ZNF385D: variants seen among roughly 807,000 people sequenced by gnomAD.
ZNF385D encodes zinc finger protein 659.
Under a neutral mutation model 35.8 loss-of-function variants are expected in ZNF385D, and 15 were observed. The ratio of observed to expected loss-of-function variants is 0.42; its 90% CI spans 0.28 to 0.64. The LOEUF is 0.64. ZNF385D is among the 30% of genes least tolerant of loss of function. ZNF385D has a pLI of 0.23. For missense variants in ZNF385D, 474 were observed against 494.6 expected, an observed-to-expected ratio of 0.96 and a Z score of 0.39; for synonymous variants, 212 against 186.8, an observed-to-expected ratio of 1.13 and a Z score of -1.10.
rs57871186 is a variant in ZNF385D at position 22,190,747 on chromosome 3, A to T, written c.107-21712T>A. On this transcript the variant is annotated intron_variant, in intron 2 of 5. Transcript: ENST00000494108. ...CAATCCTTGAAACATATCCATACAC[A>T]GGAAATACTAAGTTCTGTAACAAAG... Among the ~76,000 whole-genome samples, 384 of 152,258 alleles carry T rather than the reference A, an allele frequency of 2.5e-3. 2 individuals carry two copies. The highest frequency in any genetic ancestry group is 8.9e-3 in the African/African-American group (372 of 41,572).
intron 3 of ZNF385D, among the ~76,000 whole-genome samples, chr3:21,522,460 C>T (rs1378307887): frequency 6.6e-6 from 1 of 152,176 alleles, no homozygotes; most frequent in African/African-American, 2.4e-5. Context: ...CTGCCTCAGC[C>T]TCCCGAGTAG....
chr3:21,970,595 G>T (rs948866836), intron 3 of ZNF385D, among the ~76,000 whole-genome samples: 1 of 150,876 alleles, frequency 6.6e-6, no homozygotes, highest in East Asian at 1.9e-4. Context: ...AGGAGTTATT[G>T]GCCTTAAAGA....
At chr3:22,114,686 G>T (rs1250288285) in intron 3 of ZNF385D, among the ~76,000 whole-genome samples, 2 of 152,060 alleles carry the variant, frequency 1.3e-5, no homozygotes, top group Admixed American at 1.3e-4. Context: ...GGGTGAAGAT[G>T]CTGGGGTATT....
At chr3:22,059,634 G>A (rs112699371) in intron 3 of ZNF385D, among the ~76,000 whole-genome samples, 1 of 152,158 alleles carries the variant, frequency 6.6e-6, no homozygotes, top group Non-Finnish European at 1.5e-5. Context: ...TTCTTGGAAT[G>A]CCTTTGAGTT....
intron 2 of ZNF385D, among the ~76,000 whole-genome samples, chr3:21,601,778 G>A (rs747584592): frequency 2.6e-5 from 4 of 152,006 alleles, no homozygotes; most frequent in African/African-American, 7.3e-5. Context: ...TAGCAGTCCC[G>A]CCCCCTGGAA....
intron 3 of ZNF385D, among the ~76,000 whole-genome samples, chr3:21,555,213 T>C (rs1247475795): frequency 6.9e-6 from 1 of 145,588 alleles, no homozygotes; most frequent in Non-Finnish European, 1.5e-5. Flanking sequence ...CAGGCAATTG[T>C]AGTTTTTTTT....
intron 2 of ZNF385D, among the ~76,000 whole-genome samples, chr3:22,228,449 A>G (rs2125293029): frequency 6.6e-6 from 1 of 152,306 alleles, no homozygotes. Flanking sequence ...GTGGAAGATC[A>G]GTCAGCACAA....
intron 2 of ZNF385D, among the ~76,000 whole-genome samples, chr3:21,599,824 T>C (rs2064230246): frequency 6.6e-6 from 1 of 152,206 alleles, no homozygotes; most frequent in Non-Finnish European, 1.5e-5. Flanking sequence ...TGTAGGCATG[T>C]GAACCAGAGC....
intron 3 of ZNF385D, among the ~76,000 whole-genome samples, chr3:21,841,913 T>G (rs1307168859): frequency 6.6e-6 from 1 of 151,642 alleles, no homozygotes; most frequent in Non-Finnish European, 1.5e-5. Context: ...TACATACATA[T>G]ATGTATATAT....
chr3:22,360,938 G>A (rs1212415365), intron 2 of ZNF385D, among the ~76,000 whole-genome samples: 2 of 151,804 alleles, frequency 1.3e-5, no homozygotes, highest in African/African-American at 4.8e-5. Flanking sequence ...TTGATTATGC[G>A]ACCTCTCTAG....
chr3:22,245,186 T>C lies in ZNF385D; in HGVS notation c.107-76151A>G, dbSNP rs78959460. Among the ~76,000 whole-genome samples the C allele has an allele frequency of 1.8e-3, 269 of 152,266 alleles. 1 individual carries two copies. The highest frequency in any genetic ancestry group is 3.1e-3 in the Admixed American group (48 of 15,272). Reference sequence around the variant, plus strand: ...TAGATTATTAATTCCAGCAACATTATTATTTTCTTTGCTTTCAGATTGCCC... The same window carrying C: ...TAGATTATTAATTCCAGCAACATTACTATTTTCTTTGCTTTCAGATTGCCC... On this transcript the variant is annotated intron_variant, in intron 2 of 5. Coordinates refer to the ZNF385D transcript ENST00000494108.
chr3:22,175,435 T>G lies in ZNF385D; in HGVS notation c.107-6400A>C, dbSNP rs1316858959. Among the ~76,000 whole-genome samples the G allele has an allele frequency of 2.0e-5, 3 of 151,510 alleles. No individual in the cohort carries two copies. The East Asian group carries it at 5.8e-4, about 29-fold the overall frequency. ...GGATTTTAAAAGCACTAAAATTAAT[T>G]TGAAATAACTTAGAAAAAATGAGAA... is the stretch of plus-strand genomic sequence containing the variant. On this transcript the variant is annotated intron_variant, in intron 2 of 5. Transcript: ENST00000494108.
At position 22,002,566 on chromosome 3, in the gene ZNF385D, T is replaced by C. The variant is rs192933974; in HGVS notation, c.325+166251A>G. 4.6e-3 allele frequency among the ~76,000 whole-genome samples: 693 copies of C among 152,262 alleles called. 17 individuals carry two copies. Among genetic ancestry groups the C allele is most frequent in the Admixed American group, 5.4e-3 (83 of 15,290 alleles). ...AAATTGAAGAGAAGGGAATTCTTTC[T>C]AACTCATTTTATGAGGCCAGCAGTA... On this transcript the variant is annotated intron_variant, in intron 3 of 5. Coordinates refer to the ZNF385D transcript ENST00000494108.
chr3:21,768,158 A>T (rs1174332773), intron 3 of ZNF385D, among the ~76,000 whole-genome samples: 3 of 152,088 alleles, frequency 2.0e-5, no homozygotes, highest in Non-Finnish European at 4.4e-5. Context: ...CATTCCTGTC[A>T]TGGGACTTAA....
rs1444651103 is a variant in ZNF385D at position 21,744,722 on chromosome 3, A to T, written c.22+6173T>A. On this transcript the variant is annotated intron_variant, in intron 1 of 7. Coordinates refer to ENST00000281523, the MANE Select transcript of ZNF385D (RefSeq NM_024697.3). ...TTGGCCTTAATATTCTATAGAGTTA[A>T]CACCGGCTTTACACTGCAGAGTCCT... is the stretch of plus-strand genomic sequence containing the variant. Among the ~76,000 whole-genome samples the T allele has an allele frequency of 3.3e-5, 5 of 152,246 alleles. No homozygotes were observed. The East Asian group carries it at 9.7e-4, about 29-fold the overall frequency.
At chr3:22,242,485 T>C (rs1312571194) in intron 2 of ZNF385D, among the ~76,000 whole-genome samples, 1 of 150,742 alleles carries the variant, frequency 6.6e-6, no homozygotes, top group Non-Finnish European at 1.5e-5. Context: ...CACTTGGTAT[T>C]TTTCCCCGAA....
At chr3:21,772,895 T>C (rs35448865) in intron 3 of ZNF385D, among the ~76,000 whole-genome samples, 45,730 of 151,588 alleles carry the variant, frequency 0.3, 7,643 homozygotes, top group Middle Eastern at 0.47. Flanking sequence ...GAAGAAAATT[T>C]TGATGTGCTG....
At chr3:22,142,450 C>T (rs775470413) in intron 3 of ZNF385D, among the ~76,000 whole-genome samples, 38 of 152,166 alleles carry the variant, frequency 2.5e-4, no homozygotes, top group Middle Eastern at 3.4e-3. Flanking sequence ...CGAATCAAAC[C>T]AGATGGTTTA....
chr3:22,291,610 G>A (rs895996766), intron 2 of ZNF385D, among the ~76,000 whole-genome samples: 2 of 151,908 alleles, frequency 1.3e-5, no homozygotes, highest in African/African-American at 4.8e-5. Flanking sequence ...CTTTACAACA[G>A]TTAAAGAAGT....
Sources: allele counts gnomAD v4.1 joint callset (sites outside exome capture counted in the v4.1 genomes callset), GRCh38; gene constraint gnomAD v4.1.1; transcripts MANE v1.5; gene names NCBI Gene and HGNC (gene_info 2026-07-23, HGNC 2026-07-21).